Variants in MCM3AP observed in about 807,000 individuals in gnomAD.
The protein encoded by MCM3AP is germinal-center associated nuclear protein.
MCM3AP carries 126 observed loss-of-function variants against 184.1 expected under a neutral mutation model. The observed-to-expected ratio is 0.68, with a 90% CI of 0.59 to 0.79. The LOEUF is 0.79. Among genes scored for constraint, MCM3AP ranks in the 30% least tolerant of loss-of-function variants. The probability of loss-of-function intolerance (pLI) is 0.00; values close to 1 mark genes in which losing one functional copy is unlikely to be tolerated. For missense variants in MCM3AP, 2,496 were observed against 2,479.2 expected (o/e 1.01, Z -0.14); for synonymous variants, 1,002 against 979.3 (o/e 1.02, Z -0.43).
chr21:46,255,692 G>A (rs940306861), intron 17 of MCM3AP, among the ~76,000 whole-genome samples: 1 of 151,990 alleles, frequency 6.6e-6, no homozygotes, highest in South Asian at 2.1e-4. Flanking sequence ...GCCTCAGTTG[G>A]AGATGCATGA....
intron 13 of MCM3AP, among the ~76,000 whole-genome samples, chr21:46,263,353 C>A (rs1432871246): frequency 2.6e-5 from 4 of 151,392 alleles, no homozygotes; most frequent in Admixed American, 2.0e-4. Flanking sequence ...AACAAACAAA[C>A]AAAAAAACAA....
In MCM3AP at chr21:46,260,858, C is replaced by T. The variant is rs1333621127; in HGVS notation, c.3516G>A (p.Leu1172=). The change falls in exon 15 of 28, where the codon CTG becomes CTA. Residue 1172 remains leucine, a synonymous_variant. Coordinates refer to ENST00000291688, the MANE Select transcript of MCM3AP (RefSeq NM_003906.5). ...TCACGCGTTCCATCAGCTCCACGGC[C>T]AGGCCCTGGCTCAGCTCACTTAACA... is the stretch of plus-strand genomic sequence containing the variant. The part of the protein sequence containing the change: ...ELVLSELSQG[L]AVELMERVMM... 1 of 1,614,212 alleles carries T rather than the reference C, an allele frequency of 6.2e-7. No individual in the cohort carries two copies. The highest frequency in any genetic ancestry group is 8.5e-7 in the Non-Finnish European group (1 of 1,180,024).
In MCM3AP at chr21:46,277,564, G is replaced by A; in HGVS notation, c.1821C>T (p.Tyr607=). The A allele has an allele frequency of 1.2e-6, 2 of 1,600,658 alleles. No homozygotes were observed. The highest frequency in any genetic ancestry group is 1.9e-4 in the Middle Eastern group (1 of 5,368). ...GTVAETSKEK[Y]RLLDQRDRIM... ...TCCTGTCTCTCTGGTCAAGCAGGCG[G>A]TACTTCTCCTTGGATGTCTCAGCCA... Residue 607 remains tyrosine (Y), a synonymous_variant, in exon 5 of 28, where the codon TAC becomes TAT. Coordinates refer to ENST00000291688, the MANE Select transcript of MCM3AP (RefSeq NM_003906.5).
At position 46,240,922 on chromosome 21, in the gene MCM3AP, T is replaced by C. The variant is rs368801996; in HGVS notation, c.5522A>G (p.Gln1841Arg). The change falls in exon 26 of 28, where the codon CAA becomes CGA. Residue 1841 changes from glutamine (Q) to arginine (R), a missense_variant. Gln to Arg is a conservative substitution (Grantham distance 43, BLOSUM62 1). Coordinates refer to ENST00000291688, the MANE Select transcript of MCM3AP (RefSeq NM_003906.5). ...RNWKRSTECA[Q>R]EGRIPSTEDL... ...CTCTGTGCTGGGAATCCTCCCCTCT[T>C]GAGCACACTCTGTGCTCCTCTTCCA... 1 of 1,613,784 alleles carries C rather than the reference T, an allele frequency of 6.2e-7. No homozygotes were observed. Among genetic ancestry groups the C allele is most frequent in the African/African-American group, 1.3e-5 (1 of 75,056 alleles).
intron 20 of MCM3AP, 47 bp downstream of exon 20, chr21:46,251,482 G>C (rs1212500303): frequency 2.0e-6 from 3 of 1,497,902 alleles, no homozygotes; most frequent in Non-Finnish European, 2.8e-6. Flanking sequence ...GGGAGTAAGT[G>C]AAAGTAATGA....
rs1445009289 is a variant in MCM3AP, at chr21:46,246,732, T to G, written c.4445A>C (p.Gln1482Pro). 1.9e-6 allele frequency: 3 copies of G among 1,614,254 alleles called. No individual in the cohort carries two copies. Among genetic ancestry groups the G allele is most frequent in the South Asian group, 2.2e-5 (2 of 91,088 alleles). The change falls in exon 21 of 28, where the codon CAG becomes CCG. Residue 1482 changes from glutamine to proline, a missense_variant. This residue lies in a region of MCM3AP where 1,323 missense variants were observed against 1,273.4 expected (regional missense o/e 1.04). Transcript: ENST00000291688. ...CTTAGCCTGCAGGAGCTGCTTGAGC[T>G]GCAGCAAGGCCGACAGCCAGTACAC... ...EDVYWLSALL[Q>P]LKQLLQAKPF...
At position 46,273,588 on chromosome 21, in the gene MCM3AP, A is replaced by G; in HGVS notation, c.1999-3T>C. ...TTCACAGCTGCTGCGTGGTCCACCT[A>G]GAGACATGAAGCCGAGACAGGATGC... is the stretch of plus-strand genomic sequence containing the variant. On this transcript the variant is annotated splice_region_variant and splice_polypyrimidine_tract_variant and intron_variant, in intron 6 of 27. Transcript: ENST00000291688. 1 of 1,613,194 alleles carries G rather than the reference A, an allele frequency of 6.2e-7. No homozygotes were observed. Among genetic ancestry groups the G allele is most frequent in the Non-Finnish European group, 8.5e-7 (1 of 1,179,472 alleles).
chr21:46,269,134 AT>A (rs949704313), intron 9 of MCM3AP, among the ~76,000 whole-genome samples: 1 of 151,922 alleles, frequency 6.6e-6, no homozygotes, highest in East Asian at 1.9e-4. Flanking sequence ...ATTTTTGTTT[AT>A]TTTTTTTGAG....
rs897757704 is a variant in MCM3AP at position 46,244,962 on chromosome 21, A to G, written c.4883T>C (p.Leu1628Pro). 6.2e-7 allele frequency: 1 copy of G among 1,614,244 alleles called. No homozygotes were observed. Among genetic ancestry groups the G allele is most frequent in the South Asian group, 1.1e-5 (1 of 91,080 alleles). The change falls in exon 23 of 28, where the codon CTG becomes CCG. Residue 1628 changes from leucine (L) to proline (P), a missense_variant. Leu to Pro is a moderately conservative substitution (Grantham distance 98). Transcript: ENST00000291688. Reference protein sequence around the residue: ...FLASVVSSEQLCDLSWPVTEF... With the variant: ...FLASVVSSEQPCDLSWPVTEF... ...AGTGACAGGCCAGGACAGGTCACACAGCTGTTCAGAGGACACCACAGAAGC... is the reference window on the plus strand; with the variant it reads ...AGTGACAGGCCAGGACAGGTCACACGGCTGTTCAGAGGACACCACAGAAGC...
At chr21:46,274,354 ATAATC>A (rs2081227551) in intron 6 of MCM3AP, among the ~76,000 whole-genome samples, 1 of 152,282 alleles carries the variant, frequency 6.6e-6, no homozygotes, top group Non-Finnish European at 1.5e-5. Flanking sequence ...TCTGAAGAAA[ATAATC>A]TAAATACCAG....
chr21:46,285,823 T>TTGGA, upstream of MCM3AP: 1 of 153,044 alleles, frequency 6.5e-6, no homozygotes, highest in Admixed American at 6.5e-5. Context: ...TCGGAGCGGC[T>TTGGA]GGAGCGCTAA....
Position 46,256,790 on chromosome 21 carries a change from T to C in MCM3AP, c.3931A>G (p.Arg1311Gly). 2.6e-6 allele frequency: 4 copies of C among 1,550,512 alleles called. No individual in the cohort carries two copies. Among genetic ancestry groups the C allele is most frequent in the Non-Finnish European group, 3.5e-6 (4 of 1,146,558 alleles). The change falls in exon 17 of 28, where the codon AGG becomes GGG. Residue 1311 changes from arginine to glycine, a missense_variant and splice_region_variant. Arg to Gly is a moderately radical substitution (Grantham distance 125). Coordinates refer to ENST00000291688, the MANE Select transcript of MCM3AP (RefSeq NM_003906.5). ...AGGCAGGCGACAGCTGATGCTGACC[T>C]GGTGCAGGAGATGCCCAATCTCCCT... Reference protein sequence around the residue: ...HAGRLGISCTRLRRLRNKTAH... With the variant: ...HAGRLGISCTGLRRLRNKTAH...
At chr21:46,270,329 T>C (rs1378214803) in intron 9 of MCM3AP, 72 bp downstream of exon 9, 2 of 1,442,786 alleles carry the variant, frequency 1.4e-6, no homozygotes, top group African/African-American at 2.8e-5. Flanking sequence ...AAGCTTGGAA[T>C]AAGAAAGCAC....
intron 3 of MCM3AP, 78 bp downstream of exon 3, chr21:46,280,419 A>G: frequency 9.2e-7 from 1 of 1,090,214 alleles, no homozygotes; most frequent in Non-Finnish European, 1.3e-6. Context: ...CAGACTGGGC[A>G]ACATAGCGAG....
At chr21:46,277,862 G>C in intron 4 of MCM3AP, 145 bp from the exon 5 acceptor site, 1 of 482,614 alleles carries the variant, frequency 2.1e-6, no homozygotes, top group Non-Finnish European at 3.7e-6. Flanking sequence ...GATGAGTTTT[G>C]ATAAGGATGG....
rs190641763 is a variant in MCM3AP at position 46,245,467 on chromosome 21, A to G, written c.4648-270T>C. Among the ~76,000 whole-genome samples, 47 of 152,272 alleles carry G rather than the reference A, an allele frequency of 3.1e-4. No individual in the cohort carries two copies. In the South Asian group the frequency reaches 3.1e-3, roughly 10 times the overall value. On this transcript the variant is annotated intron_variant, in intron 22 of 27. Coordinates refer to ENST00000291688, the MANE Select transcript of MCM3AP (RefSeq NM_003906.5). Reference sequence around the variant, plus strand: ...GTGACCTGCATGGTTGCCCCATGGAAAGGCCCAGGCCCTCAGGAAACCAGC... The same window carrying G: ...GTGACCTGCATGGTTGCCCCATGGAGAGGCCCAGGCCCTCAGGAAACCAGC...
chr21:46,252,483 T>C (rs2080889276), intron 19 of MCM3AP: 1 of 150,480 alleles, frequency 6.6e-6, no homozygotes, highest in Admixed American at 6.6e-5. Context: ...TGAGCCCAGT[T>C]TGAGACCAGC....
At chr21:46,257,762 T>TA (rs1333998151) in intron 16 of MCM3AP, among the ~76,000 whole-genome samples, 5 of 150,334 alleles carry the variant, frequency 3.3e-5, no homozygotes, top group East Asian at 2.0e-4. Flanking sequence ...CTACTAAAAA[T>TA]AAAAAAAACA....
chr21:46,254,636 G>A (rs1160120831), intron 18 of MCM3AP, 110 bp from the exon 19 acceptor site: 1 of 1,463,226 alleles, frequency 6.8e-7, no homozygotes, highest in Admixed American at 1.8e-5. Flanking sequence ...CAGGTTCAGA[G>A]ATTGAACTGC....
Sources: gnomAD v4.1 joint callset for allele counts (sites outside exome capture counted in the v4.1 genomes callset) on GRCh38, gnomAD v4.1.1 for gene constraint, gnomAD v4.1.1 regional missense constraint, MANE v1.5 for transcripts, NCBI Gene and HGNC (gene_info 2026-07-23, HGNC 2026-07-21) for gene names.